Variants in ADAM12 observed in about 807,000 individuals in gnomAD.
ADAM12 encodes ADAM metallopeptidase domain 12, also known as disintegrin and metalloproteinase domain-containing protein 12.
A neutral mutation model predicts 106.4 loss-of-function variants in ADAM12; 70 were observed. The observed-to-expected ratio is 0.66, with a 90% CI of 0.54 to 0.80. The LOEUF is 0.80. Ranked by LOEUF, ADAM12 falls within the 30% of genes least tolerant of loss-of-function variation. The pLI is 0.00. For missense variants in ADAM12, 1,010 were observed against 1,171.9 expected, an observed-to-expected ratio of 0.86 and a Z score of 2.02; for synonymous variants, 420 against 433.5, an observed-to-expected ratio of 0.97 and a Z score of 0.39.
At chr10:126,039,960 T>G (rs765348583) in intron 18 of ADAM12, among the ~76,000 whole-genome samples, 1 of 152,240 alleles carries the variant, frequency 6.6e-6, no homozygotes, top group African/African-American at 2.4e-5. Flanking sequence ...GAAAGAAAAC[T>G]CATTTAAATG....
intron 2 of ADAM12, among the ~76,000 whole-genome samples, chr10:126,307,891 C>T (rs1960919595): frequency 6.6e-6 from 1 of 152,224 alleles, no homozygotes; most frequent in African/African-American, 2.4e-5. Flanking sequence ...GCGTGCCTGG[C>T]CCTCATGCCT....
intron 3 of ADAM12, among the ~76,000 whole-genome samples, chr10:126,218,744 C>T (rs1198506840): frequency 6.6e-6 from 1 of 152,164 alleles, no homozygotes; most frequent in Non-Finnish European, 1.5e-5. Flanking sequence ...AAAGTGAACC[C>T]CAGAAACAAA....
chr10:126,063,079 G>T (rs1031940554), intron 14 of ADAM12, among the ~76,000 whole-genome samples: 1 of 152,196 alleles, frequency 6.6e-6, no homozygotes, highest in African/African-American at 2.4e-5. Flanking sequence ...TGCCCAGGGT[G>T]CCCCAAGGCC....
intron 5 of ADAM12, among the ~76,000 whole-genome samples, chr10:126,120,926 T>TATATATTATATATTACATATGTA (rs1956074532): frequency 2.0e-5 from 1 of 50,962 alleles, no homozygotes; most frequent in Non-Finnish European, 4.7e-5. Flanking sequence ...GCAATATAAT[T>TATATATTATATATTACATATGTA]ATATATTATA....
At chr10:126,133,294 C>T (rs555975768) in intron 5 of ADAM12, among the ~76,000 whole-genome samples, 37 of 152,304 alleles carry the variant, frequency 2.4e-4, no homozygotes, top group East Asian at 3.9e-4. Context: ...GGCGTGTACG[C>T]GTATTGGAGT....
chr10:126,308,822 G>T (rs1960958097), intron 2 of ADAM12, among the ~76,000 whole-genome samples: 2 of 152,180 alleles, frequency 1.3e-5, no homozygotes, highest in African/African-American at 4.8e-5. Context: ...CAGCTGTGAT[G>T]TCTTGGAGAC....
At chr10:126,124,759 G>A (rs564673685) in intron 5 of ADAM12, among the ~76,000 whole-genome samples, 19 of 151,988 alleles carry the variant, frequency 1.3e-4, no homozygotes, top group African/African-American at 4.3e-4. Context: ...ATGTGTGATA[G>A]TGCGTGCCTG....
In ADAM12 at chr10:126,064,908, C is replaced by T. The variant is rs940774620; in HGVS notation, c.1507G>A (p.Val503Met). 6 of 1,613,144 alleles carry T rather than the reference C, an allele frequency of 3.7e-6. No homozygotes were observed. Among genetic ancestry groups the T allele is most frequent in the East Asian group, 2.2e-5 (1 of 44,844 alleles). Residue 503 changes from valine to methionine, a missense_variant, in exon 14 of 23, where the codon GTG (valine) becomes ATG (methionine). By Grantham distance (21) the Val-to-Met change is conservative. Coordinates refer to ENST00000448723, the MANE Select transcript of ADAM12 (RefSeq NM_001288973.2). The surrounding 1 kb of genome is among the most constrained non-coding windows in gnomAD (Gnocchi z 4.4). ...CATGAGTGCCCATCGTGCAGGTACA[C>T]GTTGGCTGGGCAGTGAGGGCTGGCC... is the stretch of plus-strand genomic sequence containing the variant. ...TGASPHCPAN[V>M]YLHDGHSCQD...
Position 126,053,084 on chromosome 10 carries a change from G to A in ADAM12, c.1610-3415C>T, listed in dbSNP as rs971032223. ...TGGGATAGTGAGTTGAGATCTGGTC[G>A]TTTAAAAGTGTGTGGCACCTCCCTT... On this transcript the variant is annotated intron_variant, in intron 14 of 22. Coordinates refer to ENST00000448723, the MANE Select transcript of ADAM12 (RefSeq NM_001288973.2). The surrounding 1 kb of genome is among the most constrained non-coding windows in gnomAD (Gnocchi z 4.6). Among the ~76,000 whole-genome samples the A allele has an allele frequency of 2.0e-5, 3 of 152,216 alleles. No individual in the cohort carries two copies. The highest frequency in any genetic ancestry group is 3.9e-4 in the East Asian group (2 of 5,150).
intron 3 of ADAM12, among the ~76,000 whole-genome samples, chr10:126,245,554 G>T (rs905761280): frequency 6.6e-6 from 1 of 152,142 alleles, no homozygotes; most frequent in Non-Finnish European, 1.5e-5. Context: ...GAATCAATGG[G>T]AGTGGGAGAT....
At chr10:126,155,542 T>G (rs976976954) in intron 3 of ADAM12, among the ~76,000 whole-genome samples, 4 of 152,110 alleles carry the variant, frequency 2.6e-5, no homozygotes, top group Non-Finnish European at 5.9e-5. Flanking sequence ...ACACACTCAA[T>G]GTGGAACCCT....
chr10:126,092,592 C>T (rs185088877), intron 11 of ADAM12, among the ~76,000 whole-genome samples: 3 of 152,310 alleles, frequency 2.0e-5, no homozygotes, highest in African/African-American at 7.2e-5. Flanking sequence ...ATTTCATTTC[C>T]TATCGGTTAG....
At chr10:126,263,935 C>T (rs999840679) in intron 3 of ADAM12, among the ~76,000 whole-genome samples, 2 of 152,186 alleles carry the variant, frequency 1.3e-5, no homozygotes, top group African/African-American at 2.4e-5. Flanking sequence ...CAGTCATAAT[C>T]ATTACCCTAT....
At chr10:126,313,525 A>G (rs572552386) in intron 2 of ADAM12, among the ~76,000 whole-genome samples, 2 of 152,338 alleles carry the variant, frequency 1.3e-5, no homozygotes, top group South Asian at 4.1e-4. Context: ...AGCCAGACAT[A>G]TAAGATGACC....
At chr10:126,342,977 G>A (rs1046507931) in intron 1 of ADAM12, among the ~76,000 whole-genome samples, 1 of 152,062 alleles carries the variant, frequency 6.6e-6, no homozygotes, top group South Asian at 2.1e-4. Flanking sequence ...AATGTGACTG[G>A]TTTCCCTTCA....
At chr10:126,366,662 A>G (rs1855922054) in intron 1 of ADAM12, among the ~76,000 whole-genome samples, 1 of 152,090 alleles carries the variant, frequency 6.6e-6, no homozygotes, top group African/African-American at 2.4e-5. Context: ...GCTAATACAC[A>G]CTGTTTAAAA....
intron 3 of ADAM12, among the ~76,000 whole-genome samples, chr10:126,174,307 T>C (rs375986203): frequency 2.0e-5 from 3 of 152,032 alleles, no homozygotes; most frequent in Non-Finnish European, 4.4e-5. Context: ...TCATTGCATA[T>C]TTCCTATAAG....
At chr10:126,021,086 C>T (rs1022959406) in intron 21 of ADAM12, among the ~76,000 whole-genome samples, 2 of 151,474 alleles carry the variant, frequency 1.3e-5, no homozygotes, top group African/African-American at 4.9e-5. Context: ...TTCATTGGAG[C>T]TGTGTCCAGA....
rs115799801 is a variant in ADAM12 at position 126,295,227 on chromosome 10, G to A, written c.187-16239C>T. ...CAAATCTAAGCTCCATCACTTACTA[G>A]CTGTGTGATGCTTTGGTCATTGTTA... On this transcript the variant is annotated intron_variant, in intron 2 of 22. Transcript: ENST00000448723. Among the ~76,000 whole-genome samples, 1,392 of 152,036 alleles carry A rather than the reference G, an allele frequency of 9.2e-3. 18 individuals are homozygous for A. The highest frequency in any genetic ancestry group is 0.031 in the African/African-American group (1,300 of 41,442).
Sources: allele counts gnomAD v4.1 joint callset (sites outside exome capture counted in the v4.1 genomes callset), GRCh38; gene constraint gnomAD v4.1.1; non-coding constraint Gnocchi (gnomAD v3.1); transcripts MANE v1.5; gene names NCBI Gene and HGNC (gene_info 2026-07-23, HGNC 2026-07-21).